Variants in IQGAP3 observed in about 807,000 individuals in gnomAD.
IQGAP3 encodes the protein IQ motif containing GTPase activating protein 3, also known as ras GTPase-activating-like protein IQGAP3.
Under a neutral mutation model 208.2 loss-of-function variants are expected in IQGAP3, and 165 were observed. The ratio of observed to expected loss-of-function variants is 0.79; its 90% CI spans 0.70 to 0.90. The LOEUF is 0.90. Among genes scored for constraint, IQGAP3 ranks in the 40% least tolerant of loss-of-function variants. The pLI is 0.00. For missense variants in IQGAP3, 1,811 were observed against 2,043.1 expected (o/e 0.89, Z 2.19); for synonymous variants, 703 against 803.6 (o/e 0.87, Z 2.12).
At chr1:156,567,659 C>A (rs1676468288) in intron 2 of IQGAP3, among the ~76,000 whole-genome samples, 1 of 152,176 alleles carries the variant, frequency 6.6e-6, no homozygotes, top group Non-Finnish European at 1.5e-5. Flanking sequence ...ACACATTGTT[C>A]CATGTCTTCC....
intron 23 of IQGAP3, 42 bp downstream of exon 23, chr1:156,540,666 G>A: frequency 6.5e-7 from 1 of 1,534,572 alleles, no homozygotes; most frequent in African/African-American, 1.4e-5. Context: ...ATCTCCAGAG[G>A]CAGGCAGATC....
At position 156,556,589 on chromosome 1, in the gene IQGAP3, G is replaced by T. The variant is rs1354148680; in HGVS notation, c.1234C>A (p.Pro412Thr). The change falls in exon 12 of 38, where the codon CCT becomes ACT. Residue 412 changes from proline to threonine, a missense_variant. Transcript: ENST00000361170. ...AGCTGGTACATAGACGATGCAACAG[G>T]GTACACTGGAGGCAGCTGGGCCTCA... ...CPEAQLPPVY[P>T]VASSMYQLEL... The T allele has an allele frequency of 6.2e-7, 1 of 1,613,584 alleles. No individual in the cohort carries two copies. The highest frequency in any genetic ancestry group is 8.5e-7 in the Non-Finnish European group (1 of 1,179,596).
intron 22 of IQGAP3, among the ~76,000 whole-genome samples, chr1:156,542,277 C>T (rs1157273885): frequency 6.6e-6 from 1 of 152,178 alleles, no homozygotes; most frequent in African/African-American, 2.4e-5. Flanking sequence ...GCAACCTCTG[C>T]TTCCTGGGCT....
At chr1:156,560,888 G>C (rs762651361) in intron 11 of IQGAP3, 46 bp downstream of exon 11, 1 of 1,313,210 alleles carries the variant, frequency 7.6e-7, no homozygotes, top group Non-Finnish European at 1.1e-6. Context: ...TCTTCTAAGA[G>C]TCAGAGATAC....
At chr1:156,528,298 C>T (rs1362737374) in intron 36 of IQGAP3, among the ~76,000 whole-genome samples, 1 of 152,208 alleles carries the variant, frequency 6.6e-6, no homozygotes, top group Admixed American at 6.5e-5. Context: ...TTTCCCAGTA[C>T]CCTCTGCCTC....
intron 22 of IQGAP3, 127 bp from the exon 23 acceptor site, chr1:156,541,043 C>T (rs1414350960): frequency 5.7e-6 from 4 of 706,352 alleles, no homozygotes; most frequent in African/African-American, 5.3e-5. Flanking sequence ...CAACCCCAGT[C>T]CTCTTCTAAC....
chr1:156,540,107 C>A (rs149230669), intron 23 of IQGAP3, 117 bp from the exon 24 acceptor site: 22 of 1,181,808 alleles, frequency 1.9e-5, no homozygotes, highest in Admixed American at 2.1e-5. Context: ...AAGGAACAGG[C>A]ATAAGCTGGG....
chr1:156,532,124 C>A, intron 32 of IQGAP3, among the ~76,000 whole-genome samples: 1 of 151,924 alleles, frequency 6.6e-6, no homozygotes, highest in East Asian at 2.0e-4. Context: ...CAGTGGCTCA[C>A]GCCTGTAATC....
chr1:156,537,799 T>A (rs1423669521), intron 26 of IQGAP3, among the ~76,000 whole-genome samples: 1 of 152,114 alleles, frequency 6.6e-6, no homozygotes, highest in African/African-American at 2.4e-5. Context: ...GGGCAACCTA[T>A]CTCTCCCACT....
At chr1:156,538,262 A>G (rs1674802294) in intron 26 of IQGAP3, among the ~76,000 whole-genome samples, 1 of 152,060 alleles carries the variant, frequency 6.6e-6, no homozygotes, top group African/African-American at 2.4e-5. Context: ...GGGTTTCACC[A>G]TGTTAGCCAG....
At position 156,531,603 on chromosome 1, in the gene IQGAP3, GTTT is replaced by G. The variant is rs34783419; in HGVS notation, c.4104-359_4104-357del. Among the ~76,000 whole-genome samples the G allele has an allele frequency of 2.5e-5, 3 of 120,564 alleles. No individual in the cohort carries two copies. The East Asian group carries it at 7.3e-4, about 29-fold the overall frequency. The allele number at this position is 120,564 out of a possible 152,430, so 79.1% of individuals were successfully genotyped here. A position where few individuals can be genotyped will look rare whatever the true frequency, so the allele number is the denominator to read the frequency against. ...GACAAAGATGATACTCAGCTCACTT[GTTT>G]TTTTTTTTTTTTTTTGAGATAGAGT... On this transcript the variant is annotated intron_variant, in intron 32 of 37. Transcript: ENST00000361170.
chr1:156,534,000 G>T lies in IQGAP3; in HGVS notation c.3873+9C>A. 6.2e-7 allele frequency: 1 copy of T among 1,613,448 alleles called. No individual in the cohort carries two copies. ...CCCAGCCAACACCCTCCAGATCTCA[G>T]CCCCTCACCCTGTGCGTGTTGACCA... On this transcript the variant is annotated intron_variant, in intron 30 of 37. Transcript: ENST00000361170.
intron 11 of IQGAP3, among the ~76,000 whole-genome samples, chr1:156,559,665 G>A (rs1229154100): frequency 6.6e-6 from 1 of 152,348 alleles, no homozygotes; most frequent in East Asian, 1.9e-4. Context: ...CAACAGGTGA[G>A]AATGTGGGAG....
At position 156,563,602 on chromosome 1, in the gene IQGAP3, G is replaced by C. The variant is rs1294216589; in HGVS notation, c.570C>G (p.Ser190Arg). The C allele has an allele frequency of 1.2e-6, 2 of 1,613,320 alleles. No homozygotes were observed. The highest frequency in any genetic ancestry group is 1.7e-6 in the Non-Finnish European group (2 of 1,179,824). Residue 190 changes from serine to arginine, a missense_variant, in exon 7 of 38, where the codon AGC becomes AGG. Ser to Arg is a moderately radical substitution (Grantham distance 110, BLOSUM62 -1). Transcript: ENST00000361170. ...CATTGGCCAAGATGCCCCCGATCTT[G>C]CTGAAGGCAGGCAGCTGGAGGCCAT... ...AKYGLQLPAF[S>R]KIGGILANEL...
At chr1:156,567,332 G>A (rs1676454983) in intron 2 of IQGAP3, among the ~76,000 whole-genome samples, 2 of 152,198 alleles carry the variant, frequency 1.3e-5, no homozygotes, top group Admixed American at 1.3e-4. Context: ...GGTGGAAGGG[G>A]AGCAGCACAA....
intron 34 of IQGAP3, 50 bp from the exon 35 acceptor site, chr1:156,529,132 A>C: frequency 6.3e-7 from 1 of 1,596,486 alleles, no homozygotes. Flanking sequence ...CTGGCAGGAG[A>C]GCCTTAGGGC....
At chr1:156,551,490 T>C (rs1675543107) in intron 15 of IQGAP3, among the ~76,000 whole-genome samples, 1 of 152,172 alleles carries the variant, frequency 6.6e-6, no homozygotes, top group South Asian at 2.1e-4. Context: ...AAATCCAGCC[T>C]GTTTCTCTGG....
chr1:156,526,127 G>A lies in IQGAP3; in HGVS notation c.*359C>T. On this transcript the variant is annotated 3_prime_UTR_variant, in exon 38 of 38. Transcript: ENST00000361170. ...AGAAGGAAGGCAGAGGGGAAATCAA[G>A]CCGCTGGGGCAGTGCTTGTAATATT... 4.8e-6 allele frequency: 1 copy of A among 206,808 alleles called. No homozygotes were observed. 12.8% of individuals were successfully genotyped at this position (206,808 alleles called of 1,614,324 possible). A position where few individuals can be genotyped will look rare whatever the true frequency, so the allele number is the denominator to read the frequency against.
chr1:156,533,088 T>A lies in IQGAP3; in HGVS notation c.3995A>T (p.Asp1332Val), dbSNP rs1442306955. The A allele has an allele frequency of 6.2e-7, 1 of 1,613,954 alleles. No homozygotes were observed. Among genetic ancestry groups the A allele is most frequent in the Admixed American group, 1.7e-5 (1 of 60,004 alleles). Residue 1332 changes from aspartate to valine, a missense_variant, in exon 32 of 38, where the codon GAT becomes GTT. Physicochemically the swap from Asp to Val is radical, Grantham distance 152. Transcript: ENST00000361170. ...TAGCTTGCTCAGGTCCGTGTGCCCA[T>A]CTGCAGCGATGCTCTCACCTGAGGT... is the stretch of plus-strand genomic sequence containing the variant. ...PDLIGESIAA[D>V]GHTDLSKLEV...
Sources: gnomAD v4.1 joint callset for allele counts (sites outside exome capture counted in the v4.1 genomes callset) on GRCh38, gnomAD v4.1.1 for gene constraint, MANE v1.5 for transcripts, NCBI Gene and HGNC (gene_info 2026-07-23, HGNC 2026-07-21) for gene names.